Variants in AVEN observed in about 807,000 individuals in gnomAD.
AVEN encodes cell death regulator Aven.
AVEN carries 41 observed loss-of-function variants against 38.1 expected under a neutral mutation model. The observed-to-expected ratio is 1.08, with a 90% CI of 0.84 to 1.40. AVEN has a LOEUF of 1.40. Among genes scored for constraint, AVEN ranks in the 40% most tolerant of loss-of-function variants. The pLI, the probability that AVEN is intolerant of heterozygous loss-of-function variation, is 0.00. For synonymous variants in AVEN, 206 were observed against 171.8 expected (o/e 1.20, Z -1.56); for missense variants, 605 against 438.8 (o/e 1.38, Z -3.38).
chr15:33,885,383 T>A (rs1261256206), intron 2 of AVEN, among the ~76,000 whole-genome samples: 3 of 152,252 alleles, frequency 2.0e-5, no homozygotes, highest in Middle Eastern at 3.4e-3. Context: ...ACATAAAAAT[T>A]CTTCACCACT....
rs1234481248 is a variant in AVEN, at chr15:33,983,843, AT to A, written c.445+19188del. Among the ~76,000 whole-genome samples, 23 of 152,024 alleles carry A rather than the reference AT, an allele frequency of 1.5e-4. No individual in the cohort carries two copies. The East Asian group carries it at 3.9e-3, about 26-fold the overall frequency. On this transcript the variant is annotated intron_variant, in intron 2 of 5. Transcript: ENST00000306730. Reference sequence around the variant, plus strand: ...ATCATCAGCAGTAAGTCCTATAAATATTTTGTGTCCACTGACATGATCCAAC... The same window carrying A: ...ATCATCAGCAGTAAGTCCTATAAATATTTGTGTCCACTGACATGATCCAAC...
chr15:34,030,772 G>T (rs149310771), intron 1 of AVEN, among the ~76,000 whole-genome samples: 1 of 151,716 alleles, frequency 6.6e-6, no homozygotes, highest in African/African-American at 2.4e-5. Flanking sequence ...GTGCACCACC[G>T]TGCCTGGCTA....
chr15:34,046,719 A>C (rs1014233024), intron 5 of AVEN: 1 of 152,276 alleles, frequency 6.6e-6, no homozygotes, highest in African/African-American at 2.4e-5. Context: ...GAGTGAATAC[A>C]GCGCCTTCAA....
chr15:34,071,953 A>G (rs1900634987), intron 1 of AVEN, among the ~76,000 whole-genome samples: 1 of 152,218 alleles, frequency 6.6e-6, no homozygotes, highest in Non-Finnish European at 1.5e-5. Flanking sequence ...ATGTAATAAT[A>G]TAGTCATTAA....
intron 2 of AVEN, among the ~76,000 whole-genome samples, chr15:33,906,065 T>C (rs1168129683): frequency 6.6e-6 from 1 of 152,180 alleles, no homozygotes; most frequent in Non-Finnish European, 1.5e-5. Flanking sequence ...ATTAACATCA[T>C]TGCCCTACTA....
intron 1 of AVEN, among the ~76,000 whole-genome samples, chr15:34,035,886 C>T (rs893179461): frequency 6.6e-6 from 1 of 152,146 alleles, no homozygotes; most frequent in African/African-American, 2.4e-5. Context: ...CCTCCACCTC[C>T]GGGGCTCAAA....
At chr15:34,024,860 C>CAA (rs34957149) in intron 1 of AVEN, among the ~76,000 whole-genome samples, 42 of 145,934 alleles carry the variant, frequency 2.9e-4, no homozygotes, top group Non-Finnish European at 3.3e-4. Context: ...GACTCCTTCT[C>CAA]AAAAAAAAAA....
At chr15:33,877,208 A>G (rs751420503) in intron 2 of AVEN, among the ~76,000 whole-genome samples, 6 of 152,224 alleles carry the variant, frequency 3.9e-5, no homozygotes, top group Non-Finnish European at 7.3e-5. Flanking sequence ...CTTCTTTTTA[A>G]ATTAAAGAAA....
At chr15:34,009,769 G>A (rs1483960372) in intron 1 of AVEN, among the ~76,000 whole-genome samples, 1 of 152,026 alleles carries the variant, frequency 6.6e-6, no homozygotes, top group African/African-American at 2.4e-5. Context: ...AGGGAGGGTC[G>A]CTTGAGGCCA....
At position 34,062,745 on chromosome 15, in the gene AVEN, A is replaced by G. The variant is rs1900385678; in HGVS notation, n.1637+177T>C. On this transcript the variant is annotated intron_variant and non_coding_transcript_variant, in intron 5 of 11. Transcript: ENST00000675287. ...GGAAGGGGATTCTTACCACAATGCA[A>G]CCACCGTCAATGGCACCCCAGTAAA... 6.2e-7 allele frequency: 1 copy of G among 1,612,884 alleles called. No individual in the cohort carries two copies. Among genetic ancestry groups the G allele is most frequent in the African/African-American group, 1.3e-5 (1 of 74,886 alleles).
the AVEN span, chr15:33,852,458 C>A: frequency 6.5e-6 from 1 of 154,356 alleles, no homozygotes; most frequent in Non-Finnish European, 1.4e-5. Flanking sequence ...GAAAGGGATC[C>A]AACTCCTGGA....
chr15:33,952,624 T>C (rs1414982206), intron 2 of AVEN, among the ~76,000 whole-genome samples: 1 of 152,122 alleles, frequency 6.6e-6, no homozygotes, highest in Non-Finnish European at 1.5e-5. Flanking sequence ...AAAAAATAGA[T>C]ATTAAATATG....
upstream of AVEN, among the ~76,000 whole-genome samples, chr15:34,040,795 A>G (rs552630149): frequency 2.6e-5 from 4 of 152,112 alleles, no homozygotes; most frequent in South Asian, 8.3e-4. Flanking sequence ...GTATATGCCT[A>G]TAGTCCCACT....
chr15:33,939,958 G>A (rs187910990), intron 2 of AVEN, among the ~76,000 whole-genome samples: 130 of 152,278 alleles, frequency 8.5e-4, no homozygotes, highest in Non-Finnish European at 1.6e-3. Flanking sequence ...GTAGTGTTAA[G>A]TATATTTACA....
intron 2 of AVEN, among the ~76,000 whole-genome samples, chr15:33,912,762 G>C (rs1165518686): frequency 6.6e-6 from 1 of 152,064 alleles, no homozygotes; most frequent in Non-Finnish European, 1.5e-5. Flanking sequence ...GGTGGCAAAA[G>C]GAAAAAACTG....
intron 1 of AVEN, among the ~76,000 whole-genome samples, chr15:34,073,989 C>CTTTTTT (rs5811818): frequency 0.026 from 812 of 31,378 alleles, 33 homozygotes; most frequent in East Asian, 0.054. Context: ...TCTTCTTCTT[C>CTTTTTT]TTTTTTTTTT....
intron 4 of AVEN, among the ~76,000 whole-genome samples, chr15:33,870,642 CAT>C (rs1278580711): frequency 6.6e-6 from 1 of 152,186 alleles, no homozygotes; most frequent in Non-Finnish European, 1.5e-5. Context: ...TAGTGCCGAA[CAT>C]AGAGCGTGAT....
rs1899301637 is a variant in AVEN at position 34,038,807 on chromosome 15, T to G, written c.240A>C (p.Gly80=). ...GAPRGSRREP[G]GWGAGASAPV... is the part of the protein sequence containing the mutation. The stretch of plus-strand genomic sequence containing the variant: ...GCGCGCTGGCCCCTGCGCCCCAGCC[T>G]CCCGGCTCCCGGCGGCTGCCTCGCG... Residue 80 remains glycine (G), a synonymous_variant, in exon 1 of 6, where the codon GGA becomes GGC. Coordinates refer to ENST00000306730, the MANE Select transcript of AVEN (RefSeq NM_020371.3). 1 of 1,192,184 alleles carries G rather than the reference T, an allele frequency of 8.4e-7. No individual in the cohort carries two copies. The highest frequency in any genetic ancestry group is 1.6e-5 in the African/African-American group (1 of 61,222). The allele number at this position is 1,192,184 out of a possible 1,614,324, so 73.9% of individuals were successfully genotyped here.
intron 2 of AVEN, among the ~76,000 whole-genome samples, chr15:33,954,663 GA>G (rs1173021188): frequency 7.6e-6 from 1 of 132,154 alleles, no homozygotes; most frequent in Non-Finnish European, 1.6e-5. Context: ...GGGGTGGGGG[GA>G]GGGGGGAGGG....
Sources: gnomAD v4.1 joint callset for allele counts (sites outside exome capture counted in the v4.1 genomes callset) on GRCh38, gnomAD v4.1.1 for gene constraint, MANE v1.5 for transcripts, NCBI Gene and HGNC (gene_info 2026-07-23, HGNC 2026-07-21) for gene names.